Variants in ATP9A observed in about 807,000 individuals in gnomAD.
ATP9A encodes the protein probable phospholipid-transporting ATPase IIA.
Under a neutral mutation model 144.1 loss-of-function variants are expected in ATP9A, and 52 were observed. The ratio of observed to expected loss-of-function variants is 0.36; its 90% CI spans 0.29 to 0.45. The LOEUF is 0.45. Among genes scored for constraint, ATP9A ranks in the 20% least tolerant of loss-of-function variants. ATP9A has a pLI of 1.00. For missense variants in ATP9A, 947 were observed against 1,392.7 expected (o/e 0.68, Z 5.09); for synonymous variants, 582 against 557.4 (o/e 1.04, Z -0.62).
In ATP9A at chr20:51,700,041, AC is replaced by A. The variant is rs373695124; in HGVS notation, c.437-2560del. On this transcript the variant is annotated intron_variant, in intron 4 of 27. Transcript: ENST00000338821. ...TGGACTCTCCTAGTGTGAGTATTTC[AC>A]CCTACTAAGTGAGCATCTAGCATCT... Among the ~76,000 whole-genome samples, 471 of 152,248 alleles carry A rather than the reference AC, an allele frequency of 3.1e-3. 2 individuals are homozygous for A. The highest frequency in any genetic ancestry group is 0.011 in the African/African-American group (456 of 41,548).
chr20:51,760,695 C>T (rs2077876165), intron 1 of ATP9A, among the ~76,000 whole-genome samples: 1 of 140,508 alleles, frequency 7.1e-6, no homozygotes, highest in Non-Finnish European at 1.5e-5. Context: ...CACTGCACTC[C>T]AGCCTGGGCG....
chr20:51,602,166 G>GT (rs1212999778), intron 27 of ATP9A, among the ~76,000 whole-genome samples: 3 of 151,636 alleles, frequency 2.0e-5, no homozygotes, highest in Non-Finnish European at 4.4e-5. Flanking sequence ...CTGATGGAAG[G>GT]TGGGGGGGGC....
In ATP9A at chr20:51,621,963, A is replaced by C; in HGVS notation, c.2115+111T>G. ...AACCGTGGTTGATGCTCCCCACCCTAGGTAATTCACATGCTGCCCCTCCCT... is the reference window on the plus strand; with the variant it reads ...AACCGTGGTTGATGCTCCCCACCCTCGGTAATTCACATGCTGCCCCTCCCT... On this transcript the variant is annotated intron_variant, in intron 19 of 27. Transcript: ENST00000338821. 7.7e-6 allele frequency: 7 copies of C among 909,832 alleles called. No individual in the cohort carries two copies. The South Asian group carries it at 1.1e-4, about 14-fold the overall frequency. 56.4% of individuals were successfully genotyped at this position (909,832 alleles called of 1,614,324 possible).
intron 7 of ATP9A, among the ~76,000 whole-genome samples, chr20:51,692,926 CCCG>C (rs1233513943): frequency 6.6e-6 from 1 of 152,166 alleles, no homozygotes; most frequent in African/African-American, 2.4e-5. Context: ...TTACGTCAAT[CCCG>C]CCAAGACATG....
intron 4 of ATP9A, among the ~76,000 whole-genome samples, chr20:51,711,384 C>A (rs1258976862): frequency 6.6e-6 from 1 of 152,044 alleles, no homozygotes; most frequent in East Asian, 1.9e-4. Flanking sequence ...CTACTGAAAA[C>A]CCCGAAGGAA....
chr20:51,621,823 C>T (rs994650126), intron 19 of ATP9A, among the ~76,000 whole-genome samples: 1 of 152,216 alleles, frequency 6.6e-6, no homozygotes. Flanking sequence ...GGACCACGAC[C>T]CCCAAAAGGT....
At chr20:51,658,772 G>A (rs1259299603) in intron 13 of ATP9A, among the ~76,000 whole-genome samples, 5 of 150,794 alleles carry the variant, frequency 3.3e-5, no homozygotes, top group African/African-American at 1.2e-4. Flanking sequence ...CGCCTGCCTC[G>A]GCCTCCCAAA....
At chr20:51,742,041 C>T (rs557153615) in intron 1 of ATP9A, among the ~76,000 whole-genome samples, 7 of 152,092 alleles carry the variant, frequency 4.6e-5, no homozygotes, top group Non-Finnish European at 1.0e-4. Context: ...AAATGATAGC[C>T]TCTGGCCAGG....
intron 1 of ATP9A, among the ~76,000 whole-genome samples, chr20:51,760,881 G>C (rs951197111): frequency 1.3e-5 from 2 of 151,804 alleles, no homozygotes; most frequent in African/African-American, 4.8e-5. Context: ...AAATTAGCTG[G>C]GCGTGGTGGT....
intron 7 of ATP9A, among the ~76,000 whole-genome samples, chr20:51,691,396 G>C (rs1217252653): frequency 1.3e-5 from 2 of 152,216 alleles, no homozygotes; most frequent in African/African-American, 4.8e-5. Context: ...TTGAACCCAG[G>C]AGGTGAAGGT....
chr20:51,608,695 C>A, intron 24 of ATP9A, 69 bp from the exon 25 acceptor site: 2 of 1,003,822 alleles, frequency 2.0e-6, no homozygotes, highest in South Asian at 2.6e-5. Context: ...TGCCAGCCTC[C>A]GGCACCCAAG....
At chr20:51,674,780 T>C (rs1456987117) in intron 10 of ATP9A, among the ~76,000 whole-genome samples, 1 of 152,092 alleles carries the variant, frequency 6.6e-6, no homozygotes, top group Non-Finnish European at 1.5e-5. Flanking sequence ...CGCACACCAG[T>C]GGTGGCACCC....
At chr20:51,691,338 G>A (rs565064153) in intron 7 of ATP9A, among the ~76,000 whole-genome samples, 21 of 152,258 alleles carry the variant, frequency 1.4e-4, no homozygotes, top group African/African-American at 3.9e-4. Context: ...GCATGGTGGC[G>A]CGTGCCTGTA....
intron 7 of ATP9A, among the ~76,000 whole-genome samples, 200 bp downstream of exon 7, chr20:51,693,808 A>T (rs980461004): frequency 6.6e-6 from 1 of 152,136 alleles, no homozygotes; most frequent in Non-Finnish European, 1.5e-5. Context: ...TTCCCGCAGG[A>T]GAGCTCACTC....
At chr20:51,658,931 T>C (rs1044914349) in intron 13 of ATP9A, among the ~76,000 whole-genome samples, 13 of 121,486 alleles carry the variant, frequency 1.1e-4, no homozygotes, top group African/African-American at 4.3e-4. Context: ...ACAAGCCAAA[T>C]GCCCTCGCAT....
chr20:51,758,301 T>G (rs938292634), intron 1 of ATP9A, among the ~76,000 whole-genome samples: 2 of 152,172 alleles, frequency 1.3e-5, no homozygotes, highest in Non-Finnish European at 2.9e-5. Flanking sequence ...TTATAATTAG[T>G]CTTTTTCTTT....
intron 15 of ATP9A, among the ~76,000 whole-genome samples, chr20:51,634,910 C>T (rs972103204): frequency 4.7e-5 from 7 of 150,332 alleles, no homozygotes; most frequent in Non-Finnish European, 1.0e-4. Context: ...TCATGGTGTG[C>T]GTCTCTGGTT....
intron 15 of ATP9A, among the ~76,000 whole-genome samples, chr20:51,634,120 C>T (rs1692490986): frequency 6.6e-6 from 1 of 152,084 alleles, no homozygotes; most frequent in African/African-American, 2.4e-5. Flanking sequence ...GACACACGAG[C>T]CACATCTCAA....
chr20:51,741,274 C>T (rs528713063), intron 1 of ATP9A, among the ~76,000 whole-genome samples: 72 of 152,196 alleles, frequency 4.7e-4, no homozygotes, highest in East Asian at 9.7e-4. Context: ...GAAGCACACA[C>T]GAACATTAGT....
Sources: gnomAD v4.1 joint callset for allele counts (sites outside exome capture counted in the v4.1 genomes callset) on GRCh38, gnomAD v4.1.1 for gene constraint, MANE v1.5 for transcripts, NCBI Gene and HGNC (gene_info 2026-07-23, HGNC 2026-07-21) for gene names.